Variants in LUC7L observed in about 807,000 individuals in gnomAD.
The protein encoded by LUC7L is LUC7 like, also known as putative RNA-binding protein Luc7-like 1.
Under a neutral mutation model 51.1 loss-of-function variants are expected in LUC7L, and 29 were observed. The observed-to-expected ratio is 0.57, with a 90% CI of 0.42 to 0.77. The LOEUF is 0.77. Ranked by LOEUF, LUC7L falls within the 30% of genes least tolerant of loss-of-function variation. The pLI is 0.00. For missense variants in LUC7L, 403 were observed against 511.9 expected, an observed-to-expected ratio of 0.79 and a Z score of 2.05; for synonymous variants, 181 against 180.7, an observed-to-expected ratio of 1.00 and a Z score of -0.01.
chr16:205,672 C>G (rs941261127), intron 5 of LUC7L, among the ~76,000 whole-genome samples: 1 of 152,222 alleles, frequency 6.6e-6, no homozygotes, highest in Non-Finnish European at 1.5e-5. Context: ...TCACTGCAAG[C>G]TCCGCCTCCC....
intron 1 of LUC7L, 162 bp from the exon 2 acceptor site, chr16:227,498 G>A: frequency 3.5e-6 from 5 of 1,440,596 alleles, no homozygotes; most frequent in Non-Finnish European, 4.5e-6. Context: ...CAACTGGAGT[G>A]GAATACACAT....
intron 2 of LUC7L, among the ~76,000 whole-genome samples, chr16:222,516 T>C (rs1467574080): frequency 2.6e-5 from 4 of 152,110 alleles, no homozygotes; most frequent in South Asian, 4.2e-4. Context: ...TATGTGCCTG[T>C]AGTCCCAGCC....
At chr16:224,723 C>T (rs1409045510) in intron 2 of LUC7L, among the ~76,000 whole-genome samples, 1 of 151,884 alleles carries the variant, frequency 6.6e-6, no homozygotes, top group Non-Finnish European at 1.5e-5. Flanking sequence ...ATCCCAGCTA[C>T]TCAGGAGGCT....
At chr16:194,329 ACTC>A in intron 6 of LUC7L, among the ~76,000 whole-genome samples, 1 of 148,776 alleles carries the variant, frequency 6.7e-6, no homozygotes, top group Non-Finnish European at 1.5e-5. Context: ...CTGAGCTTGA[ACTC>A]CTCAACTCAA....
intron 3 of LUC7L, 112 bp from the exon 4 acceptor site, chr16:208,300 A>C: frequency 2.7e-6 from 2 of 727,480 alleles, no homozygotes; most frequent in South Asian, 3.5e-5. Context: ...TAAAGCCTGT[A>C]CATTCAAGGG....
intron 1 of LUC7L, 48 bp from the exon 2 acceptor site, chr16:227,384 C>A: frequency 6.4e-7 from 1 of 1,557,604 alleles, no homozygotes; most frequent in Non-Finnish European, 8.7e-7. Flanking sequence ...TCACATTAAC[C>A]ACCAAAAAAT....
intron 1 of LUC7L, 123 bp downstream of exon 1, chr16:229,156 G>C: frequency 7.0e-7 from 1 of 1,434,732 alleles, no homozygotes; most frequent in Non-Finnish European, 9.0e-7. Context: ...GGAGCGCGGG[G>C]GAGGAGGAGC....
chr16:189,812 C>T, intron 9 of LUC7L, 156 bp downstream of exon 9: 1 of 1,437,068 alleles, frequency 7.0e-7, no homozygotes. Context: ...GCCCTCTCGC[C>T]TCTTCCCACA....
intron 5 of LUC7L, among the ~76,000 whole-genome samples, chr16:201,390 TAA>T (rs1258050678): frequency 6.6e-6 from 1 of 151,820 alleles, no homozygotes; most frequent in Admixed American, 6.6e-5. Flanking sequence ...TTATGTTGAG[TAA>T]AAAAAGTCAG....
At chr16:221,678 G>C (rs2049973056) in intron 2 of LUC7L, among the ~76,000 whole-genome samples, 1 of 152,004 alleles carries the variant, frequency 6.6e-6, no homozygotes, top group African/African-American at 2.4e-5. Flanking sequence ...ACTCCAGCCT[G>C]GGTGATAAAG....
chr16:192,782 C>T (rs540799703), intron 7 of LUC7L, 145 bp downstream of exon 7: 13 of 717,372 alleles, frequency 1.8e-5, no homozygotes, highest in South Asian at 9.9e-5. Flanking sequence ...GGATTACAGG[C>T]GTGAGCCGCC....
intron 2 of LUC7L, among the ~76,000 whole-genome samples, chr16:221,408 G>A (rs898131896): frequency 5.3e-5 from 8 of 151,948 alleles, no homozygotes; most frequent in Non-Finnish European, 2.9e-5. Context: ...GGCAGGGATA[G>A]GAAACGGCCA....
At chr16:204,449 C>G (rs2049422750) in intron 5 of LUC7L, among the ~76,000 whole-genome samples, 2 of 152,000 alleles carry the variant, frequency 1.3e-5, no homozygotes, top group African/African-American at 4.8e-5. Context: ...AAAAAATTAG[C>G]CGGGCGTGGT....
At position 192,935 on chromosome 16, in the gene LUC7L, C is replaced by A; in HGVS notation, c.768G>T (p.Leu256=). 1 of 1,612,864 alleles carries A rather than the reference C, an allele frequency of 6.2e-7. No homozygotes were observed. The change falls in exon 7 of 10, where the codon CTG becomes CTT. Residue 256 remains leucine, a synonymous_variant. Transcript: ENST00000293872. ...RREEREREER[L]SRRSGSRTRD... is the part of the protein sequence containing the mutation. ...CCAGCCCTCAGGCTCACCTCCTGCT[C>A]AGACGCTCCTCCCGTTCCCTCTCCT...
chr16:200,105 T>C (rs912485512), intron 5 of LUC7L, among the ~76,000 whole-genome samples: 4 of 151,034 alleles, frequency 2.6e-5, no homozygotes, highest in African/African-American at 7.3e-5. Context: ...CCTGGCAACA[T>C]AGCAAAACCC....
Position 189,272 on chromosome 16 carries a change from C to A in LUC7L, c.1042G>T (p.Asp348Tyr), listed in dbSNP as rs1328446113. The change falls in exon 10 of 10, where the codon GAC (aspartate) becomes TAC (tyrosine). Residue 348 changes from aspartate (D) to tyrosine (Y), a missense_variant. Asp to Tyr is a radical substitution (Grantham distance 160, BLOSUM62 -3). This residue lies in a region of LUC7L where 206 missense variants were observed against 218.3 expected (regional missense o/e 0.94). Coordinates refer to ENST00000293872, the MANE Select transcript of LUC7L (RefSeq NM_201412.3). ...CCGTTGGAGCTCTCAAGCCTCCAGT[C>A]CGGGGGCCCTCGCTCGCTCCGCCCG... ...ESGRSERGPP[D>Y]WRLESSNGKM... 6.2e-7 allele frequency: 1 copy of A among 1,613,822 alleles called. No homozygotes were observed. The highest frequency in any genetic ancestry group is 1.3e-5 in the African/African-American group (1 of 74,918).
At chr16:198,981 A>G (rs2049241991) in intron 6 of LUC7L, 81 bp downstream of exon 6, 2 of 1,422,922 alleles carry the variant, frequency 1.4e-6, no homozygotes, top group South Asian at 1.6e-5. Context: ...CGCCCGGCCA[A>G]AACATAAGGT....
intron 2 of LUC7L, among the ~76,000 whole-genome samples, 168 bp downstream of exon 2, chr16:227,074 G>C (rs573627524): frequency 6.6e-6 from 1 of 152,146 alleles, no homozygotes; most frequent in Non-Finnish European, 1.5e-5. Flanking sequence ...ACACTCCATC[G>C]CATGCATGCA....
intron 2 of LUC7L, among the ~76,000 whole-genome samples, chr16:222,471 CTA>C (rs2050000294): frequency 6.6e-6 from 1 of 151,870 alleles, no homozygotes; most frequent in Non-Finnish European, 1.5e-5. Flanking sequence ...GACCCTGTCT[CTA>C]TGAAAAAATT....
Sources: allele counts gnomAD v4.1 joint callset (sites outside exome capture counted in the v4.1 genomes callset), GRCh38; gene constraint gnomAD v4.1.1; regional missense constraint gnomAD v4.1.1; transcripts MANE v1.5; gene names NCBI Gene and HGNC (gene_info 2026-07-23, HGNC 2026-07-21).